ATXN2: variants seen among roughly 807,000 people sequenced by gnomAD.
ATXN2 encodes the protein ataxin-2.
In ATXN2, 37 loss-of-function variants were observed where a neutral mutation model predicts 138.6. The ratio of observed to expected loss-of-function variants is 0.27; its 90% CI spans 0.21 to 0.35. ATXN2 has a LOEUF of 0.35. Among genes scored for constraint, ATXN2 ranks in the 10% least tolerant of loss-of-function variants. The probability of loss-of-function intolerance (pLI) is 1.00; values close to 1 mark genes in which losing one functional copy is unlikely to be tolerated. For missense variants in ATXN2, 1,216 were observed against 1,480.3 expected (o/e 0.82, Z 2.93); for synonymous variants, 549 against 543.7 (o/e 1.01, Z -0.13).
At chr12:111,595,900 T>C (rs1474433341) in intron 1 of ATXN2, among the ~76,000 whole-genome samples, 5 of 146,130 alleles carry the variant, frequency 3.4e-5, no homozygotes, top group African/African-American at 1.4e-4. Flanking sequence ...CCATCTCTAC[T>C]AAAAATACAA....
chr12:111,585,255 G>A (rs1884258610), intron 1 of ATXN2, among the ~76,000 whole-genome samples: 2 of 152,178 alleles, frequency 1.3e-5, no homozygotes, highest in South Asian at 4.1e-4. Flanking sequence ...GCTCACGCCT[G>A]TAATCCCGGC....
intron 14 of ATXN2, among the ~76,000 whole-genome samples, chr12:111,495,494 AAAG>A (rs1878359863): frequency 1.3e-5 from 2 of 152,184 alleles, no homozygotes; most frequent in Non-Finnish European, 2.9e-5. Flanking sequence ...AAAAACAGAC[AAAG>A]AAGATTATTG....
Position 111,554,328 on chromosome 12 carries a change from TG to T in ATXN2, c.289-112del, listed in dbSNP as rs1219208287. On this transcript the variant is annotated intron_variant, in intron 2 of 24. Coordinates refer to ENST00000673436, the MANE Select transcript of ATXN2 (RefSeq NM_001372574.1). ...TTAGACTGCGGATTTTTTTCGGATT[TG>T]GGGATATTTGCATTATACTTAGTGC... 7 of 671,914 alleles carry T rather than the reference TG, an allele frequency of 1.0e-5. No homozygotes were observed. The African/African-American group carries it at 1.3e-4, about 13-fold the overall frequency. 41.6% of individuals were successfully genotyped at this position (671,914 alleles called of 1,614,324 possible).
chr12:111,493,189 C>A (rs1312824828), intron 14 of ATXN2, among the ~76,000 whole-genome samples: 2 of 151,986 alleles, frequency 1.3e-5, no homozygotes, highest in Admixed American at 1.3e-4. Context: ...GATGCCAAGG[C>A]GGGCGGATCA....
rs1882624042 is a variant in ATXN2 at position 111,560,518 on chromosome 12, G to A, written c.252-4599C>T. On this transcript the variant is annotated intron_variant, in intron 1 of 24. Transcript: ENST00000673436. The stretch of plus-strand genomic sequence containing the variant: ...GGGTACAGTCAGGAAAAGAGACAAA[G>A]CCATGCCAAAATCACTGTGATTCTA... 2.6e-5 allele frequency among the ~76,000 whole-genome samples: 4 copies of A among 152,084 alleles called. No individual in the cohort carries two copies. The South Asian group carries it at 8.3e-4, about 31-fold the overall frequency.
At chr12:111,486,688 T>A in intron 16 of ATXN2, 73 bp downstream of exon 16, 1 of 1,290,756 alleles carries the variant, frequency 7.7e-7, no homozygotes, top group South Asian at 1.3e-5. Context: ...ATGGCAGGTA[T>A]GGAAGAAGGA....
intron 5 of ATXN2, among the ~76,000 whole-genome samples, chr12:111,548,150 G>A (rs583140): frequency 0.18 from 27,852 of 151,740 alleles, 2,730 homozygotes; most frequent in East Asian, 0.33. Flanking sequence ...CCAAGATCAC[G>A]CCACTGTACC....
chr12:111,508,673 C>G (rs2135727429), intron 14 of ATXN2, among the ~76,000 whole-genome samples: 1 of 152,072 alleles, frequency 6.6e-6, no homozygotes, highest in South Asian at 2.1e-4. Flanking sequence ...TCTCGAACTC[C>G]TGACCTTAGG....
Position 111,552,223 on chromosome 12 carries a change from T to A in ATXN2, c.571+57A>T. 1 of 1,496,688 alleles carries A rather than the reference T, an allele frequency of 6.7e-7. No individual in the cohort carries two copies. The highest frequency in any genetic ancestry group is 8.9e-7 in the Non-Finnish European group (1 of 1,120,880). The allele number at this position is 1,496,688 out of a possible 1,614,324, so 92.7% of individuals were successfully genotyped here. On this transcript the variant is annotated intron_variant, in intron 5 of 24. Transcript: ENST00000673436. The surrounding 1 kb of genome is among the most constrained non-coding windows in gnomAD (Gnocchi z 4.1). Reference sequence around the variant, plus strand: ...AAAGTTTGTAAGATCACTGTGAAAATCTTTGCTTGAATAAATCTAATAAAC... The same window carrying A: ...AAAGTTTGTAAGATCACTGTGAAAAACTTTGCTTGAATAAATCTAATAAAC...
At chr12:111,599,508 A>G (rs2135865416), upstream of ATXN2, 1 of 1,212,014 alleles carries the variant, frequency 8.3e-7, no homozygotes. Flanking sequence ...GCGGCCGCTG[A>G]GCGCATCGGA....
At chr12:111,540,812 A>T (rs943216062) in intron 5 of ATXN2, among the ~76,000 whole-genome samples, 32 of 146,998 alleles carry the variant, frequency 2.2e-4, no homozygotes, top group Admixed American at 2.2e-3. Flanking sequence ...CTCCTGCCTT[A>T]GCCTCCTGAG....
intron 1 of ATXN2, among the ~76,000 whole-genome samples, chr12:111,588,877 C>T (rs1366517673): frequency 6.7e-6 from 1 of 150,236 alleles, no homozygotes; most frequent in Non-Finnish European, 1.5e-5. Context: ...CGCATGTAGT[C>T]CCAGCTACTC....
chr12:111,459,975 C>G (rs1473535875), intron 21 of ATXN2, among the ~76,000 whole-genome samples: 1 of 152,134 alleles, frequency 6.6e-6, no homozygotes, highest in Non-Finnish European at 1.5e-5. Flanking sequence ...TCTCGGCCTC[C>G]CAAAGTGTTG....
chr12:111,515,277 T>C (rs1417087578), intron 10 of ATXN2, among the ~76,000 whole-genome samples: 1 of 152,208 alleles, frequency 6.6e-6, no homozygotes, highest in Non-Finnish European at 1.5e-5. Context: ...TATTAACTAA[T>C]TTTAATGAAC....
chr12:111,483,602 C>T (rs1008470553), intron 18 of ATXN2, among the ~76,000 whole-genome samples: 8 of 151,802 alleles, frequency 5.3e-5, no homozygotes, highest in Non-Finnish European at 1.2e-4. Flanking sequence ...AGTGATCTGC[C>T]CACCTCGGCT....
In ATXN2 at chr12:111,485,806, C is replaced by A; in HGVS notation, c.2364G>T (p.Met788Ile). Residue 788 changes from methionine to isoleucine, a missense_variant, in exon 17 of 25, where the codon ATG becomes ATT. Transcript: ENST00000673436. The part of the protein sequence containing the change: ...PRPQAQPSPS[M>I]VGHQQPTPVY... ...CTGGAGTTGGCTGTTGATGACCCAC[C>A]ATAGATGGGCTAGGTTGTGCTTGAG... 6.2e-7 allele frequency: 1 copy of A among 1,614,088 alleles called. No homozygotes were observed. Among genetic ancestry groups the A allele is most frequent in the Non-Finnish European group, 8.5e-7 (1 of 1,180,004 alleles).
In ATXN2 at chr12:111,552,252, G is replaced by A. The variant is rs1271054398; in HGVS notation, c.571+28C>T. 1 of 1,557,538 alleles carries A rather than the reference G, an allele frequency of 6.4e-7. No individual in the cohort carries two copies. Among genetic ancestry groups the A allele is most frequent in the South Asian group, 1.2e-5 (1 of 82,986 alleles). Reference sequence around the variant, plus strand: ...TGCTTGAATAAATCTAATAAACCATGAGGCATATTTAGGAAATCAAAACCC... The same window carrying A: ...TGCTTGAATAAATCTAATAAACCATAAGGCATATTTAGGAAATCAAAACCC... On this transcript the variant is annotated intron_variant, in intron 5 of 24. Coordinates refer to ENST00000673436, the MANE Select transcript of ATXN2 (RefSeq NM_001372574.1). This position sits in a 1 kb window ranked among gnomAD's most constrained non-coding sequence, Gnocchi z 4.1.
At chr12:111,485,417 G>A in intron 17 of ATXN2, 86 bp from the exon 18 acceptor site, 2 of 1,301,446 alleles carry the variant, frequency 1.5e-6, no homozygotes, top group Admixed American at 1.9e-5. Flanking sequence ...TATTGCTAGA[G>A]AGCTAGGCAT....
chr12:111,541,947 T>C (rs1355214131), intron 5 of ATXN2, among the ~76,000 whole-genome samples: 1 of 149,152 alleles, frequency 6.7e-6, no homozygotes, highest in African/African-American at 2.4e-5. Context: ...TTTGTATTTT[T>C]AGTAGAGACA....
Sources: allele counts gnomAD v4.1 joint callset (sites outside exome capture counted in the v4.1 genomes callset), GRCh38; gene constraint gnomAD v4.1.1; non-coding constraint Gnocchi (gnomAD v3.1); transcripts MANE v1.5; gene names NCBI Gene and HGNC (gene_info 2026-07-23, HGNC 2026-07-21).